The following GREB1L variants were observed in gnomAD, a reference collection of about 807,000 sequenced individuals.
GREB1L encodes the protein GREB1-like protein.
GREB1L carries 17 observed loss-of-function variants against 200.8 expected under a neutral mutation model. The observed-to-expected ratio is 0.08, with a 90% confidence interval of 0.06 to 0.13. The LOEUF (loss-of-function observed/expected upper bound fraction) is 0.13. Ranked by LOEUF, GREB1L falls within the 10% of genes least tolerant of loss-of-function variation. The probability of loss-of-function intolerance (pLI) is 1.00; values close to 1 mark genes in which losing one functional copy is unlikely to be tolerated. For synonymous variants in GREB1L, 789 were observed against 893.0 expected (o/e 0.88, Z 2.08); for missense variants, 1,657 against 2,367.7 (o/e 0.70, Z 6.23).
intron 7 of GREB1L, among the ~76,000 whole-genome samples, chr18:21,424,688 CAA>C (rs546922564): frequency 3.9e-5 from 6 of 152,018 alleles, no homozygotes; most frequent in African/African-American, 1.4e-4. Context: ...CAATAAAAAA[CAA>C]AAAGTGTACA....
chr18:21,520,635 G>A (rs2037575548), intron 31 of GREB1L, 53 bp from the exon 32 acceptor site: 2 of 1,542,632 alleles, frequency 1.3e-6, no homozygotes, highest in Admixed American at 3.9e-5. Flanking sequence ...CTGAACTGCA[G>A]ATATTTTGCT....
In GREB1L at chr18:21,433,202, A is replaced by G. The variant is rs568231604; in HGVS notation, c.833-6319A>G. Among the ~76,000 whole-genome samples the G allele has an allele frequency of 5.2e-4, 79 of 152,316 alleles. 1 individual carries two copies. The Middle Eastern group carries it at 0.027, about 52-fold the overall frequency. On this transcript the variant is annotated intron_variant, in intron 7 of 32. Transcript: ENST00000424526. Reference sequence around the variant, plus strand: ...CTTCATGTAGTTGCATACATTTCTTATTAAGCTTATTCATAGGCATTTTAT... The same window carrying G: ...CTTCATGTAGTTGCATACATTTCTTGTTAAGCTTATTCATAGGCATTTTAT...
At chr18:21,339,211 T>C (rs1236599445) in intron 1 of GREB1L, among the ~76,000 whole-genome samples, 1 of 152,198 alleles carries the variant, frequency 6.6e-6, no homozygotes, top group Middle Eastern at 3.4e-3. Flanking sequence ...ATTATCTTAT[T>C]AGAAAAGTTG....
intron 11 of GREB1L, among the ~76,000 whole-genome samples, chr18:21,445,559 T>G (rs1181240796): frequency 6.6e-6 from 1 of 152,214 alleles, no homozygotes; most frequent in African/African-American, 2.4e-5. Flanking sequence ...TCTTGTGAAA[T>G]TTTTTAATTT....
At chr18:21,521,661 T>A (rs2037601528) in intron 32 of GREB1L, among the ~76,000 whole-genome samples, 1 of 151,986 alleles carries the variant, frequency 6.6e-6, no homozygotes, top group African/African-American at 2.4e-5. Flanking sequence ...TGGCATATAG[T>A]GGGCAGAAGC....
At chr18:21,304,562 G>A (rs1318841) in intron 1 of GREB1L, among the ~76,000 whole-genome samples, 30,114 of 151,880 alleles carry the variant, frequency 0.2, 7,138 homozygotes, top group African/African-American at 0.57. Flanking sequence ...CCAGATTTAT[G>A]CATACAGCTG....
At position 21,500,766 on chromosome 18, in the gene GREB1L, G is replaced by A. The variant is rs2036755458; in HGVS notation, c.4072+124G>A. The stretch of plus-strand genomic sequence containing the variant: ...TACCTAACCTGCAGAGTTATTGGGA[G>A]GCTAAAGATAATGTGCCCAAGGCCA... On this transcript the variant is annotated intron_variant, in intron 23 of 32. Coordinates refer to ENST00000424526, the MANE Select transcript of GREB1L (RefSeq NM_001142966.3). 4 of 680,758 alleles carry A rather than the reference G, an allele frequency of 5.9e-6. No individual in the cohort carries two copies. In the East Asian group the frequency reaches 8.8e-5, roughly 15 times the overall value. The allele number at this position is 680,758 out of a possible 1,614,324, so 42.2% of individuals were successfully genotyped here.
At chr18:21,385,577 T>G (rs986710970) in intron 4 of GREB1L, among the ~76,000 whole-genome samples, 20 of 152,194 alleles carry the variant, frequency 1.3e-4, no homozygotes, top group African/African-American at 4.8e-4. Flanking sequence ...TGCTCAAACT[T>G]AATATAATAT....
chr18:21,403,287 A>T (rs2041394230), intron 6 of GREB1L, among the ~76,000 whole-genome samples: 1 of 152,240 alleles, frequency 6.6e-6, no homozygotes. Flanking sequence ...CTTAAAATGA[A>T]GCTTGGCATA....
At chr18:21,264,020 C>T (rs1010128748) in intron 1 of GREB1L, among the ~76,000 whole-genome samples, 3 of 152,122 alleles carry the variant, frequency 2.0e-5, no homozygotes, top group Non-Finnish European at 4.4e-5. Flanking sequence ...CCTTGTGACT[C>T]CCCAGTGCAG....
intron 1 of GREB1L, among the ~76,000 whole-genome samples, chr18:21,277,793 T>C (rs979940253): frequency 2.0e-5 from 3 of 152,216 alleles, no homozygotes; most frequent in African/African-American, 4.8e-5. Context: ...TCATGCTCTG[T>C]GACTTGTCTG....
intron 7 of GREB1L, among the ~76,000 whole-genome samples, chr18:21,431,149 A>G (rs1203378213): frequency 6.6e-6 from 1 of 151,616 alleles, no homozygotes; most frequent in Non-Finnish European, 1.5e-5. Flanking sequence ...AGCCTCCTGA[A>G]TAGCTGGGAT....
At position 21,508,742 on chromosome 18, in the gene GREB1L, ACT is replaced by A. The variant is rs2037121934; in HGVS notation, c.4735+155_4735+156del. On this transcript the variant is annotated intron_variant, in intron 27 of 32. Coordinates refer to ENST00000424526, the MANE Select transcript of GREB1L (RefSeq NM_001142966.3). ...AAAAAAAAAAAAAAAAAGCTTTTTG[ACT>A]CTCCCTTGAATTTGAGTTTTCTTTT... is the stretch of plus-strand genomic sequence containing the variant. 11 of 665,774 alleles carry A rather than the reference ACT, an allele frequency of 1.7e-5. No homozygotes were observed. In the South Asian group the frequency reaches 2.0e-4, roughly 12 times the overall value. The allele number at this position is 665,774 out of a possible 1,614,324, so 41.2% of individuals were successfully genotyped here.
intron 11 of GREB1L, among the ~76,000 whole-genome samples, chr18:21,446,439 GAAAAAGAAAAGAAAAGAA>G (rs2034224271): frequency 6.6e-6 from 1 of 151,966 alleles, no homozygotes; most frequent in African/African-American, 2.4e-5. Flanking sequence ...CTTTTGTAAA[GAAAAAGAAAAGAAAAGAA>G]AAAAAGAAAC....
intron 15 of GREB1L, among the ~76,000 whole-genome samples, chr18:21,469,948 T>A (rs536755749): frequency 1.3e-5 from 2 of 152,212 alleles, no homozygotes; most frequent in Non-Finnish European, 2.9e-5. Context: ...TTTGGTTCTT[T>A]GCTCGGCCAT....
intron 31 of GREB1L, among the ~76,000 whole-genome samples, chr18:21,520,216 C>G (rs1464575459): frequency 1.3e-5 from 2 of 152,208 alleles, no homozygotes; most frequent in Admixed American, 1.3e-4. Flanking sequence ...GCTGGGATTA[C>G]AGGCGTGAGC....
intron 30 of GREB1L, among the ~76,000 whole-genome samples, chr18:21,517,433 G>A (rs4800768): frequency 0.29 from 43,904 of 151,558 alleles, 8,330 homozygotes; most frequent in African/African-American, 0.5. Context: ...ATCCCAGCTC[G>A]CTGCAACCTC....
intron 11 of GREB1L, among the ~76,000 whole-genome samples, chr18:21,444,819 A>G (rs1007168664): frequency 6.6e-6 from 1 of 152,160 alleles, no homozygotes; most frequent in African/African-American, 2.4e-5. Context: ...ATTATTTTCC[A>G]GTTTTCCACT....
chr18:21,521,630 G>A (rs183831127), intron 32 of GREB1L, among the ~76,000 whole-genome samples: 59 of 152,094 alleles, frequency 3.9e-4, no homozygotes, highest in Middle Eastern at 6.8e-3. Flanking sequence ...TCTGATTGTC[G>A]CACTGGAGGC....
Sources: gnomAD v4.1 joint callset for allele counts (sites outside exome capture counted in the v4.1 genomes callset) on GRCh38, gnomAD v4.1.1 for gene constraint, MANE v1.5 for transcripts, NCBI Gene and HGNC (gene_info 2026-07-23, HGNC 2026-07-21) for gene names.